Variants in PPP2R1B observed in about 807,000 individuals in gnomAD.
PPP2R1B encodes serine/threonine-protein phosphatase 2A 65 kDa regulatory subunit A beta isoform.
Under a neutral mutation model 72.7 loss-of-function variants are expected in PPP2R1B, and 58 were observed. The observed-to-expected ratio is 0.80, with a 90% CI of 0.65 to 0.99. The LOEUF (loss-of-function observed/expected upper bound fraction) is 0.99, where lower values mean the gene tolerates loss of function less well. PPP2R1B is among the 50% of genes least tolerant of loss of function. PPP2R1B has a pLI of 0.00. For missense variants in PPP2R1B, 695 were observed against 733.6 expected (o/e 0.95, Z 0.61); for synonymous variants, 256 against 264.6 (o/e 0.97, Z 0.32).
Position 111,766,269 on chromosome 11 carries a change from C to G in PPP2R1B, c.93G>C (p.Glu31Asp). Residue 31 changes from glutamate to aspartate, a missense_variant, in exon 1 of 15, where the codon GAG becomes GAC. By Grantham distance (45) the Glu-to-Asp change is conservative. Transcript: ENST00000527614. ...SLYPIAVLID[E>D]LRNEDVQLRL... is the part of the protein sequence containing the mutation. ...GTACCTGCACGTCTTCATTGCGGAG[C>G]TCGTCGATTAAAACCGCGATCGGGT... The G allele has an allele frequency of 2.5e-6, 4 of 1,614,006 alleles. No individual in the cohort carries two copies. The highest frequency in any genetic ancestry group is 3.4e-6 in the Non-Finnish European group (4 of 1,179,920).
chr11:111,757,537 T>C (rs1166439951), intron 5 of PPP2R1B, among the ~76,000 whole-genome samples: 1 of 152,108 alleles, frequency 6.6e-6, no homozygotes, highest in Non-Finnish European at 1.5e-5. Flanking sequence ...ACATATTTGT[T>C]AAAAAATTAC....
chr11:111,715,187 G>T, the PPP2R1B span, among the ~76,000 whole-genome samples: 1 of 152,314 alleles, frequency 6.6e-6, no homozygotes, highest in Admixed American at 6.5e-5. Flanking sequence ...TGCCATGCTG[G>T]CACTCAGTCA....
At position 111,759,921 on chromosome 11, in the gene PPP2R1B, T is replaced by G; in HGVS notation, c.570A>C (p.Thr190=). 6.2e-7 allele frequency: 1 copy of G among 1,614,118 alleles called. No individual in the cohort carries two copies. The highest frequency in any genetic ancestry group is 1.6e-4 in the Middle Eastern group (1 of 6,062). The part of the protein sequence containing the change: ...QQFRSLCSDD[T]PMVRRAAASK... ...AAGCAGCAGCACGTCGTACCATTGG[T>G]GTGTCATCTGAGCACAAGGAACGGA... is the stretch of plus-strand genomic sequence containing the variant. The change falls in exon 5 of 15, where the codon ACA becomes ACC. Residue 190 remains threonine (T), a synonymous_variant. Transcript: ENST00000527614.
the PPP2R1B span, among the ~76,000 whole-genome samples, chr11:111,719,355 CCTTTT>C: frequency 3.0e-5 from 2 of 66,476 alleles, no homozygotes; most frequent in African/African-American, 4.9e-5. Context: ...GGTGACTACC[CCTTTT>C]TTTTTTTTTT....
chr11:111,730,599 TTTAA>T (rs1944157200), intron 15 of PPP2R1B: 1 of 152,192 alleles, frequency 6.6e-6, no homozygotes, highest in Non-Finnish European at 1.5e-5. Context: ...TGTGCTTTTT[TTTAA>T]TTACTAAGAA....
At chr11:111,756,771 T>C (rs1945135485) in intron 5 of PPP2R1B, among the ~76,000 whole-genome samples, 1 of 152,154 alleles carries the variant, frequency 6.6e-6, no homozygotes, top group African/African-American at 2.4e-5. Flanking sequence ...AAACAGCCAA[T>C]GTCAACGTGA....
At chr11:111,753,654 T>C (rs1184373150) in intron 8 of PPP2R1B, 77 bp from the exon 9 acceptor site, 3 of 1,436,940 alleles carry the variant, frequency 2.1e-6, no homozygotes, top group African/African-American at 2.9e-5. Flanking sequence ...GGAAACAGAG[T>C]CTTGCTCTGT....
chr11:111,760,525 C>T (rs375012883), intron 4 of PPP2R1B, among the ~76,000 whole-genome samples: 5 of 152,100 alleles, frequency 3.3e-5, no homozygotes, highest in Middle Eastern at 3.4e-3. Context: ...TAGTGTATGT[C>T]GGTAGTCCTA....
the PPP2R1B span, among the ~76,000 whole-genome samples, chr11:111,701,981 G>A: frequency 6.6e-6 from 1 of 152,268 alleles, no homozygotes; most frequent in Admixed American, 6.5e-5. This position sits in a 1 kb window ranked among gnomAD's most constrained non-coding sequence, Gnocchi z 4.2. Flanking sequence ...CAGATGATAT[G>A]CCATAATCCC....
the PPP2R1B span, among the ~76,000 whole-genome samples, chr11:111,694,425 C>G: frequency 1.3e-5 from 2 of 152,014 alleles, no homozygotes; most frequent in Admixed American, 1.3e-4. Flanking sequence ...TTGTCTTTAG[C>G]CCAAGAGGAA....
the PPP2R1B span, chr11:111,701,123 C>A: frequency 3.7e-6 from 5 of 1,354,442 alleles, no homozygotes; most frequent in Non-Finnish European, 4.9e-6. The surrounding 1 kb of genome is among the most constrained non-coding windows in gnomAD (Gnocchi z 4.2). Flanking sequence ...TTCATATTTT[C>A]CCCATCCACT....
chr11:111,700,174 T>C, the PPP2R1B span, among the ~76,000 whole-genome samples: 1 of 152,230 alleles, frequency 6.6e-6, no homozygotes, highest in Non-Finnish European at 1.5e-5. Context: ...GAGTGCATTC[T>C]CTGTATCAAA....
At chr11:111,728,464 T>A (rs1242492525) in intron 15 of PPP2R1B, 1 of 152,130 alleles carries the variant, frequency 6.6e-6, no homozygotes, top group African/African-American at 2.4e-5. Context: ...AGTTTGTATA[T>A]TTTTAGTAGA....
At chr11:111,720,848 G>A in the PPP2R1B span, 4 of 1,596,050 alleles carry the variant, frequency 2.5e-6, no homozygotes, top group East Asian at 8.9e-5. Context: ...TGTGGTCACT[G>A]AAAGGCCTTG....
the PPP2R1B span, among the ~76,000 whole-genome samples, chr11:111,697,408 A>C: frequency 1.1e-4 from 17 of 152,216 alleles, no homozygotes; most frequent in African/African-American, 4.1e-4. Context: ...CTCCCGAGGA[A>C]CTTAGTCTGA....
the PPP2R1B span, among the ~76,000 whole-genome samples, chr11:111,704,513 C>G: frequency 6.6e-6 from 1 of 152,214 alleles, no homozygotes; most frequent in African/African-American, 2.4e-5. Context: ...ATGCCATTCT[C>G]CAGCCCAAAA....
chr11:111,735,442 G>A (rs1435193509), downstream of PPP2R1B: 1 of 152,220 alleles, frequency 6.6e-6, no homozygotes, highest in Non-Finnish European at 1.5e-5. Context: ...GCCTGACAAG[G>A]CCCGTCAGCA....
In PPP2R1B at chr11:111,741,221, G is replaced by A. The variant is rs1431964377; in HGVS notation, c.*375C>T. The A allele has an allele frequency of 2.9e-6, 3 of 1,030,662 alleles. No individual in the cohort carries two copies. The highest frequency in any genetic ancestry group is 8.8e-5 in the East Asian group (1 of 11,352). 63.8% of individuals were successfully genotyped at this position (1,030,662 alleles called of 1,614,324 possible). On this transcript the variant is annotated 3_prime_UTR_variant, in exon 15 of 15. Coordinates refer to ENST00000527614, the MANE Select transcript of PPP2R1B (RefSeq NM_002716.5). ...ACACAGAGATATATGTAAACGTCAA[G>A]AGAATCACTCCACTCCACGTCTGGG...
chr11:111,741,064 T>G lies in PPP2R1B; in HGVS notation c.*532A>C, dbSNP rs1192901962. On this transcript the variant is annotated 3_prime_UTR_variant, in exon 15 of 15. Transcript: ENST00000527614. ...TGAGCTTCCACATTCCCCTTTCACA[T>G]GAGACTAATGCAGACCATCATAATT... 2.0e-6 allele frequency: 2 copies of G among 986,354 alleles called. No homozygotes were observed. The highest frequency in any genetic ancestry group is 4.7e-5 in the South Asian group (1 of 21,304). 61.1% of individuals were successfully genotyped at this position (986,354 alleles called of 1,614,324 possible). A position where few individuals can be genotyped will look rare whatever the true frequency, so the allele number is the denominator to read the frequency against.
Sources: gnomAD v4.1 joint callset for allele counts (sites outside exome capture counted in the v4.1 genomes callset) on GRCh38, gnomAD v4.1.1 for gene constraint, Gnocchi (gnomAD v3.1) non-coding constraint, MANE v1.5 for transcripts, NCBI Gene and HGNC (gene_info 2026-07-23, HGNC 2026-07-21) for gene names.